The following CREBBP variants were observed in gnomAD, a reference collection of about 807,000 sequenced individuals.
The protein encoded by CREBBP is CREB binding lysine acetyltransferase.
In CREBBP, 19 loss-of-function variants were observed where a neutral mutation model predicts 265.0. The ratio of observed to expected loss-of-function variants is 0.07; its 90% CI spans 0.05 to 0.11. CREBBP has a LOEUF of 0.11. Among genes scored for constraint, CREBBP ranks in the 10% least tolerant of loss-of-function variants. CREBBP has a pLI of 1.00. For synonymous variants in CREBBP, 1,457 were observed against 1,223.7 expected, an observed-to-expected ratio of 1.19 and a Z score of -3.98; for missense variants, 2,525 against 3,219.0, an observed-to-expected ratio of 0.78 and a Z score of 5.22.
intron 11 of CREBBP, among the ~76,000 whole-genome samples, chr16:3,776,754 T>A (rs1304215858): frequency 1.3e-5 from 2 of 152,120 alleles, no homozygotes; most frequent in African/African-American, 4.8e-5. Context: ...GGCTCATGCC[T>A]GTAATCCCAG....
At chr16:3,778,317 C>T in intron 9 of CREBBP, 135 bp from the exon 10 acceptor site, 1 of 711,876 alleles carries the variant, frequency 1.4e-6, no homozygotes, top group South Asian at 1.7e-5. Context: ...ACCTGATACA[C>T]CAGAAGCCCA....
chr16:3,777,064 C>T lies in CREBBP; in HGVS notation c.2158+549G>A, dbSNP rs182042474. Among the ~76,000 whole-genome samples, 416 of 151,552 alleles carry T rather than the reference C, an allele frequency of 2.7e-3. 1 individual carries two copies. The highest frequency in any genetic ancestry group is 5.6e-3 in the Admixed American group (85 of 15,186). ...ATAAAGTAAAATAAAAAGCTAAGGC[C>T]GGGTGCAGTGGCTCACTCCTGTAAT... On this transcript the variant is annotated intron_variant, in intron 11 of 30. Coordinates refer to ENST00000262367, the MANE Select transcript of CREBBP (RefSeq NM_004380.3).
intron 1 of CREBBP, among the ~76,000 whole-genome samples, chr16:3,874,370 G>A (rs757065291): frequency 2.6e-5 from 4 of 152,212 alleles, no homozygotes; most frequent in South Asian, 2.1e-4. Context: ...CTGTGCAGCC[G>A]TGGTAGGCCA....
At chr16:3,856,277 C>A (rs980866213) in intron 1 of CREBBP, among the ~76,000 whole-genome samples, 3 of 152,144 alleles carry the variant, frequency 2.0e-5, no homozygotes, top group Non-Finnish European at 2.9e-5. Context: ...GTGTGCCCCA[C>A]CACAAACAGC....
rs1391005242 is a variant in CREBBP, at chr16:3,761,238, T to C, written c.3251-2266A>G. On this transcript the variant is annotated intron_variant, in intron 16 of 30. Transcript: ENST00000262367. ...CCTCCCAAAGTGCTGGGATTACAGG[T>C]GTGAGCCACCATGCCCGGCTGAAAA... Among the ~76,000 whole-genome samples, 8 of 152,232 alleles carry C rather than the reference T, an allele frequency of 5.3e-5. No homozygotes were observed. In the East Asian group the frequency reaches 1.5e-3, roughly 29 times the overall value.
intron 26 of CREBBP, chr16:3,737,071 C>T (rs1374824872): frequency 3.6e-6 from 2 of 561,596 alleles, no homozygotes; most frequent in Admixed American, 3.0e-5. Context: ...GCAAAAGAAA[C>T]CTGAGGCCTC....
At chr16:3,792,198 G>C in intron 4 of CREBBP, 104 bp from the exon 5 acceptor site, 1 of 999,982 alleles carries the variant, frequency 1.0e-6, no homozygotes, top group Admixed American at 1.9e-5. Flanking sequence ...ATGGTAACAA[G>C]TGTAACCATA....
chr16:3,741,406 C>A (rs746773548), intron 23 of CREBBP: 7 of 152,208 alleles, frequency 4.6e-5, no homozygotes, highest in Non-Finnish European at 8.8e-5. Context: ...GATTCCTTAG[C>A]GAGCTAGAAA....
chr16:3,815,415 G>A (rs528548344), intron 2 of CREBBP, among the ~76,000 whole-genome samples: 4 of 150,678 alleles, frequency 2.7e-5, no homozygotes, highest in African/African-American at 7.3e-5. Context: ...TGGTGCGTGC[G>A]TATAATCCCA....
chr16:3,736,898 G>A lies in CREBBP; in HGVS notation c.4395-83C>T. 3 of 1,535,566 alleles carry A rather than the reference G, an allele frequency of 2.0e-6. No homozygotes were observed. The South Asian group carries it at 3.4e-5, about 17-fold the overall frequency. On this transcript the variant is annotated intron_variant, in intron 26 of 30. Coordinates refer to ENST00000262367, the MANE Select transcript of CREBBP (RefSeq NM_004380.3). ...TAAGGAGTTATAGCAGAGGAGCAAG[G>A]ACTAAAGCCAGGACAGAAGTAACCA... is the stretch of plus-strand genomic sequence containing the variant.
intron 2 of CREBBP, among the ~76,000 whole-genome samples, chr16:3,849,417 G>A (rs2054741472): frequency 1.4e-4 from 1 of 7,100 alleles, no homozygotes; most frequent in Non-Finnish European, 1.8e-3. Context: ...GTGTGTGTGT[G>A]TGTGTGTGTG....
intron 5 of CREBBP, among the ~76,000 whole-genome samples, chr16:3,783,776 A>C (rs1381500229): frequency 6.6e-6 from 1 of 152,234 alleles, no homozygotes; most frequent in Non-Finnish European, 1.5e-5. Context: ...AAGCTGCCCC[A>C]TCCAGCTAGC....
At chr16:3,754,859 C>A (rs976495737) in intron 19 of CREBBP, among the ~76,000 whole-genome samples, 1 of 152,098 alleles carries the variant, frequency 6.6e-6, no homozygotes, top group Non-Finnish European at 1.5e-5. Flanking sequence ...AGTGCCAAGA[C>A]AATTATTCAT....
chr16:3,780,620 C>T, intron 8 of CREBBP, 112 bp downstream of exon 8: 1 of 1,148,636 alleles, frequency 8.7e-7, no homozygotes, highest in Admixed American at 2.0e-5. Context: ...GAGAGTGGCT[C>T]CCTAAATAAG....
At chr16:3,784,320 T>C (rs1220534882) in intron 5 of CREBBP, among the ~76,000 whole-genome samples, 2 of 152,206 alleles carry the variant, frequency 1.3e-5, no homozygotes, top group South Asian at 2.1e-4. Context: ...AATAATGATA[T>C]TCAGATCAAC....
chr16:3,769,485 A>C (rs2052946443), intron 14 of CREBBP, 132 bp from the exon 15 acceptor site: 1 of 1,106,560 alleles, frequency 9.0e-7, no homozygotes, highest in African/African-American at 1.5e-5. Flanking sequence ...CCTTCTGTGA[A>C]ACCGAAGAAC....
intron 1 of CREBBP, among the ~76,000 whole-genome samples, chr16:3,861,758 C>CTT (rs200213588): frequency 7.3e-5 from 10 of 136,860 alleles, no homozygotes; most frequent in Admixed American, 2.9e-4. Context: ...AGACATCTAA[C>CTT]TTTTTTTTTT....
chr16:3,786,063 C>T (rs1350847343), intron 5 of CREBBP, among the ~76,000 whole-genome samples: 3 of 152,220 alleles, frequency 2.0e-5, no homozygotes, highest in Non-Finnish European at 4.4e-5. Context: ...CACTAAGAGG[C>T]CGGGTACGGC....
chr16:3,869,696 T>C (rs938808150), intron 1 of CREBBP, among the ~76,000 whole-genome samples: 1 of 152,156 alleles, frequency 6.6e-6, no homozygotes, highest in Non-Finnish European at 1.5e-5. Context: ...CTGTGTCATA[T>C]AGACACAGCG....
Sources: gnomAD v4.1 joint callset for allele counts (sites outside exome capture counted in the v4.1 genomes callset) on GRCh38, gnomAD v4.1.1 for gene constraint, MANE v1.5 for transcripts, NCBI Gene and HGNC (gene_info 2026-07-23, HGNC 2026-07-21) for gene names.